KIAA0825: variants seen among roughly 807,000 people sequenced by gnomAD.
The protein encoded by KIAA0825 is KIAA0825.
In KIAA0825, 119 loss-of-function variants were observed where a neutral mutation model predicts 147.6. That is an observed-to-expected ratio of 0.81 (90% CI 0.69 to 0.94). The LOEUF (loss-of-function observed/expected upper bound fraction) is 0.94. KIAA0825 is among the 40% of genes least tolerant of loss of function. The probability of loss-of-function intolerance (pLI) is 0.00; values close to 1 mark genes in which losing one functional copy is unlikely to be tolerated. For synonymous variants in KIAA0825, 470 were observed against 518.1 expected, an observed-to-expected ratio of 0.91 and a Z score of 1.26; for missense variants, 1,381 against 1,472.7, an observed-to-expected ratio of 0.94 and a Z score of 1.02.
chr5:94,465,139 C>G lies in KIAA0825; in HGVS notation c.1873-80G>C, dbSNP rs7738027. The stretch of plus-strand genomic sequence containing the variant: ...TTGCTTCCTATGAACGTAATTAGTT[C>G]AGGCTGAAAGGAAATAGCTAAAGAG... On this transcript the variant is annotated intron_variant, in intron 10 of 20. Coordinates refer to ENST00000682413, the MANE Select transcript of KIAA0825 (RefSeq NM_001145678.3). 2,051 of 1,350,006 alleles carry G rather than the reference C, an allele frequency of 1.5e-3. 29 individuals are homozygous for G. The African/African-American group carries it at 0.027, about 18-fold the overall frequency. 83.6% of individuals were successfully genotyped at this position (1,350,006 alleles called of 1,614,324 possible). A position where few individuals can be genotyped will look rare whatever the true frequency, so the allele number is the denominator to read the frequency against.
intron 20 of KIAA0825, among the ~76,000 whole-genome samples, chr5:94,250,730 T>A (rs1047459637): frequency 1.3e-5 from 2 of 152,146 alleles, no homozygotes; most frequent in Admixed American, 1.3e-4. Context: ...TGCATGCAAA[T>A]CATCTTTTTT....
intron 20 of KIAA0825, among the ~76,000 whole-genome samples, chr5:94,285,845 A>G (rs758236028): frequency 6.6e-6 from 1 of 152,178 alleles, no homozygotes; most frequent in Non-Finnish European, 1.5e-5. Flanking sequence ...CTTCTTAAAC[A>G]CAGCACATAC....
At chr5:94,389,409 C>T (rs966199591) in intron 18 of KIAA0825, among the ~76,000 whole-genome samples, 1 of 152,192 alleles carries the variant, frequency 6.6e-6, no homozygotes, top group Non-Finnish European at 1.5e-5. Flanking sequence ...AACCTGGTGC[C>T]AACCCCATGG....
At chr5:94,578,516 G>GT (rs891164379) in intron 2 of KIAA0825, among the ~76,000 whole-genome samples, 7 of 151,646 alleles carry the variant, frequency 4.6e-5, no homozygotes, top group African/African-American at 7.3e-5. Context: ...TTCTGTTTAT[G>GT]TTTTTTTTCT....
At chr5:94,526,250 A>C (rs1268008717) in intron 3 of KIAA0825, among the ~76,000 whole-genome samples, 1 of 151,978 alleles carries the variant, frequency 6.6e-6, no homozygotes, top group African/African-American at 2.4e-5. Context: ...TATCTTTCAG[A>C]TGCTACACAT....
At chr5:94,409,907 A>G (rs968260403) in intron 15 of KIAA0825, among the ~76,000 whole-genome samples, 3 of 152,330 alleles carry the variant, frequency 2.0e-5, no homozygotes, top group African/African-American at 4.8e-5. Context: ...CAAAATCTAG[A>G]GACTCAATAA....
chr5:94,354,132 G>A lies in KIAA0825; in HGVS notation c.3710+30236C>T, dbSNP rs1044051575. The stretch of plus-strand genomic sequence containing the variant: ...TAAGTAGTTATTGAGGGCTTTCTCC[G>A]TGCAAGTACACAACTAGAGTAAATC... On this transcript the variant is annotated intron_variant, in intron 20 of 20. Coordinates refer to ENST00000682413, the MANE Select transcript of KIAA0825 (RefSeq NM_001145678.3). 3.0e-4 allele frequency among the ~76,000 whole-genome samples: 46 copies of A among 152,040 alleles called. 1 individual carries two copies. Among genetic ancestry groups the A allele is most frequent in the African/African-American group, 1.0e-3 (43 of 41,404 alleles).
chr5:94,430,609 G>A (rs1452048600), intron 14 of KIAA0825, among the ~76,000 whole-genome samples: 1 of 152,154 alleles, frequency 6.6e-6, no homozygotes, highest in Non-Finnish European at 1.5e-5. Flanking sequence ...AATCATTTGA[G>A]TTGCTTGGGA....
intron 3 of KIAA0825, among the ~76,000 whole-genome samples, chr5:94,532,327 T>G (rs901892106): frequency 2.6e-5 from 4 of 151,974 alleles, no homozygotes; most frequent in African/African-American, 7.3e-5. Context: ...TTGTTTTTGT[T>G]TTTTGTAGAG....
intron 16 of KIAA0825, 83 bp downstream of exon 16, chr5:94,403,486 A>G: frequency 1.0e-6 from 1 of 984,974 alleles, no homozygotes; most frequent in Non-Finnish European, 1.5e-6. Context: ...CATTCTTATA[A>G]ATTTTAGAAT....
In KIAA0825 at chr5:94,164,418, T is replaced by A. The variant is rs193282605; in HGVS notation, c.3711-10294A>T. ...TCCACACACCTACAGTGAACTTATT[T>A]TTTTTTTTTTTTAGACAGAGTCTCA... is the stretch of plus-strand genomic sequence containing the variant. On this transcript the variant is annotated intron_variant, in intron 20 of 20. Transcript: ENST00000682413. 2.2e-3 allele frequency among the ~76,000 whole-genome samples: 329 copies of A among 151,086 alleles called. 2 individuals are homozygous for A. Among genetic ancestry groups the A allele is most frequent in the South Asian group, 6.7e-3 (32 of 4,772 alleles).
chr5:94,287,711 G>C (rs1419338834), intron 20 of KIAA0825, among the ~76,000 whole-genome samples: 1 of 152,146 alleles, frequency 6.6e-6, no homozygotes, highest in Non-Finnish European at 1.5e-5. Flanking sequence ...AAATGAACTT[G>C]TGAAATGTCA....
In KIAA0825 at chr5:94,384,382, C is replaced by A. The variant is rs974687900; in HGVS notation, c.3696G>T (p.Val1232=). Residue 1232 remains valine (V), a synonymous_variant, in exon 20 of 21, where the codon GTG becomes GTT. Coordinates refer to ENST00000682413, the MANE Select transcript of KIAA0825 (RefSeq NM_001145678.3). The part of the protein sequence containing the change: ...YLRLDKMTFS[V]LLKNRWEMKK... ...AATTTTATTACCTGTTTTTGAGCAG[C>A]ACACTGAAGGTCATCTTATCCAGTC... The A allele has an allele frequency of 7.7e-6, 12 of 1,551,738 alleles. No individual in the cohort carries two copies. The highest frequency in any genetic ancestry group is 4.1e-5 in the African/African-American group (3 of 73,042).
At chr5:94,363,174 CTTT>C (rs70978103) in intron 20 of KIAA0825, among the ~76,000 whole-genome samples, 11 of 135,108 alleles carry the variant, frequency 8.1e-5, no homozygotes, top group Non-Finnish European at 9.8e-5. Context: ...AACCAGTTTT[CTTT>C]TTTTTTTTTT....
chr5:94,595,627 A>C (rs1302264525), intron 1 of KIAA0825, among the ~76,000 whole-genome samples: 1 of 152,238 alleles, frequency 6.6e-6, no homozygotes, highest in Non-Finnish European at 1.5e-5. Context: ...AAATTTCGGC[A>C]GCTGCTTGAA....
intron 20 of KIAA0825, among the ~76,000 whole-genome samples, chr5:94,186,791 T>A (rs907532801): frequency 6.6e-6 from 1 of 152,060 alleles, no homozygotes; most frequent in Non-Finnish European, 1.5e-5. Flanking sequence ...GAGAGGGTGT[T>A]GTGAGGGAAG....
intron 20 of KIAA0825, among the ~76,000 whole-genome samples, chr5:94,160,749 C>T (rs1369667684): frequency 1.3e-5 from 2 of 151,366 alleles, no homozygotes; most frequent in African/African-American, 4.9e-5. Flanking sequence ...GACCATTACC[C>T]CCTTCTCCCT....
chr5:94,461,353 T>A (rs900628404), intron 12 of KIAA0825, among the ~76,000 whole-genome samples: 27 of 151,920 alleles, frequency 1.8e-4, no homozygotes, highest in Non-Finnish European at 3.8e-4. Context: ...AGCACAGCAA[T>A]TTTTTCATCT....
intron 5 of KIAA0825, among the ~76,000 whole-genome samples, chr5:94,501,748 T>G (rs548262550): frequency 6.6e-6 from 1 of 152,340 alleles, no homozygotes; most frequent in South Asian, 2.1e-4. Flanking sequence ...ATATTTGTTT[T>G]GGAGGGCAAT....
Sources: allele counts gnomAD v4.1 joint callset (sites outside exome capture counted in the v4.1 genomes callset), GRCh38; gene constraint gnomAD v4.1.1; transcripts MANE v1.5; gene names NCBI Gene and HGNC (gene_info 2026-07-23, HGNC 2026-07-21).